Variants in EML6 observed in about 807,000 individuals in gnomAD.
EML6 encodes the protein echinoderm microtubule-associated protein-like 6.
EML6 carries 154 observed loss-of-function variants against 240.1 expected under a neutral mutation model. The observed-to-expected ratio is 0.64, with a 90% CI of 0.56 to 0.73. The LOEUF (loss-of-function observed/expected upper bound fraction) is 0.73, where lower values mean the gene tolerates loss of function less well. EML6 is among the 30% of genes least tolerant of loss of function. The pLI is 0.00. For synonymous variants in EML6, 1,148 were observed against 899.0 expected (o/e 1.28, Z -4.95); for missense variants, 2,964 against 2,474.6 (o/e 1.20, Z -4.20).
At chr2:54,758,118 A>G (rs1456882008) in intron 2 of EML6, among the ~76,000 whole-genome samples, 2 of 142,314 alleles carry the variant, frequency 1.4e-5, no homozygotes, top group Admixed American at 6.9e-5. Context: ...TCTCGTATGC[A>G]TTATTCTTAC....
intron 2 of EML6, among the ~76,000 whole-genome samples, chr2:54,808,405 A>G (rs1325774147): frequency 5.9e-5 from 9 of 152,208 alleles, no homozygotes; most frequent in Non-Finnish European, 2.9e-5. Flanking sequence ...TCGTCAGACA[A>G]TGCAACCTAA....
chr2:54,797,519 C>G (rs1219026005), intron 2 of EML6, among the ~76,000 whole-genome samples: 2 of 152,050 alleles, frequency 1.3e-5, no homozygotes, highest in African/African-American at 4.8e-5. Context: ...AAGCGAGTCA[C>G]ACAAATATTT....
intron 8 of EML6, among the ~76,000 whole-genome samples, chr2:54,846,877 G>T (rs933120563): frequency 2.2e-4 from 33 of 150,864 alleles, no homozygotes; most frequent in Admixed American, 7.3e-4. Flanking sequence ...ATACATAAAG[G>T]ACCACTTAAT....
intron 17 of EML6, among the ~76,000 whole-genome samples, chr2:54,885,492 A>G (rs1672077685): frequency 6.6e-6 from 1 of 152,080 alleles, no homozygotes; most frequent in South Asian, 2.1e-4. Context: ...TTTTATGGTT[A>G]TCTGGTTGAT....
intron 2 of EML6, among the ~76,000 whole-genome samples, chr2:54,768,011 G>A (rs943372040): frequency 3.3e-5 from 5 of 152,162 alleles, no homozygotes; most frequent in Non-Finnish European, 5.9e-5. Flanking sequence ...GCTTTGTAGA[G>A]AGTGTGGAAT....
At chr2:54,892,862 C>T (rs80155540) in intron 19 of EML6, among the ~76,000 whole-genome samples, 3,356 of 152,232 alleles carry the variant, frequency 0.022, 111 homozygotes, top group African/African-American at 0.073. Flanking sequence ...TTATATGCAA[C>T]TTCTCTGCAC....
chr2:54,799,237 T>C (rs942357423), intron 2 of EML6, among the ~76,000 whole-genome samples: 6 of 151,964 alleles, frequency 3.9e-5, no homozygotes, highest in Non-Finnish European at 8.8e-5. Flanking sequence ...ATTTTTGTAT[T>C]TTTAGTAGAG....
intron 2 of EML6, among the ~76,000 whole-genome samples, chr2:54,797,139 T>A (rs1318009604): frequency 9.8e-6 from 1 of 101,690 alleles, no homozygotes; most frequent in African/African-American, 3.8e-5. Context: ...CACTCCAGCC[T>A]GGGTGACAGA....
In EML6 at chr2:54,813,431, C is replaced by T. The variant is rs762844842; in HGVS notation, c.357+40C>T. ...TTAGTTGTTTTATTTAATGACTTCTCACAACTCACTTAAAACTATAATAGG... is the reference window on the plus strand; with the variant it reads ...TTAGTTGTTTTATTTAATGACTTCTTACAACTCACTTAAAACTATAATAGG... On this transcript the variant is annotated intron_variant, in intron 3 of 41. Coordinates refer to ENST00000356458, the MANE Select transcript of EML6 (RefSeq NM_001039753.4). The T allele has an allele frequency of 1.4e-5, 21 of 1,488,152 alleles. No individual in the cohort carries two copies. The South Asian group carries it at 2.6e-4, about 18-fold the overall frequency. The allele number at this position is 1,488,152 out of a possible 1,614,324, so 92.2% of individuals were successfully genotyped here.
chr2:54,898,432 G>GT (rs558375626), intron 21 of EML6, among the ~76,000 whole-genome samples: 50 of 152,142 alleles, frequency 3.3e-4, no homozygotes, highest in Non-Finnish European at 7.1e-4. Context: ...CCCCTGAGCT[G>GT]TACCCTGACT....
rs565436711 is a variant in EML6, at chr2:54,967,781, G to T, written c.5598-347G>T. Among the ~76,000 whole-genome samples, 5 of 152,276 alleles carry T rather than the reference G, an allele frequency of 3.3e-5. No homozygotes were observed. The East Asian group carries it at 5.8e-4, about 18-fold the overall frequency. On this transcript the variant is annotated intron_variant, in intron 39 of 41. Transcript: ENST00000356458. ...TACAATTTTTCCAGAGACCAGGTAG[G>T]GGGTGGGGTTTCGGGATGAAACTGT...
intron 18 of EML6, among the ~76,000 whole-genome samples, chr2:54,892,088 T>C (rs1456805137): frequency 6.6e-6 from 1 of 152,194 alleles, no homozygotes; most frequent in African/African-American, 2.4e-5. Flanking sequence ...AGTCACTCTT[T>C]CTCTTGGCTG....
At chr2:54,952,945 T>G (rs886688449) in intron 31 of EML6, among the ~76,000 whole-genome samples, 1 of 152,098 alleles carries the variant, frequency 6.6e-6, no homozygotes, top group Non-Finnish European at 1.5e-5. Context: ...CCTGTGGACT[T>G]GTAAGAATAG....
chr2:54,942,273 C>T (rs1183795515), intron 28 of EML6, among the ~76,000 whole-genome samples: 2 of 152,174 alleles, frequency 1.3e-5, no homozygotes, highest in Admixed American at 6.5e-5. Context: ...AAATCACACT[C>T]CCACAGTGTA....
chr2:54,865,769 C>T (rs780570292), intron 13 of EML6, among the ~76,000 whole-genome samples: 15 of 152,202 alleles, frequency 9.9e-5, no homozygotes, highest in Admixed American at 5.9e-4. Context: ...CCTGACATGT[C>T]ACTTTCCAAT....
chr2:54,812,738 G>A (rs976714531), intron 2 of EML6, among the ~76,000 whole-genome samples: 3 of 152,082 alleles, frequency 2.0e-5, no homozygotes. Context: ...AACAGACACA[G>A]AAACAGCACA....
chr2:54,775,693 G>T (rs981488522), intron 2 of EML6, among the ~76,000 whole-genome samples: 11 of 152,270 alleles, frequency 7.2e-5, no homozygotes, highest in Admixed American at 1.3e-4. Flanking sequence ...CCAGGAGAGT[G>T]CCTGGCTTCA....
At chr2:54,898,567 A>G (rs1267299017) in intron 21 of EML6, among the ~76,000 whole-genome samples, 1 of 152,194 alleles carries the variant, frequency 6.6e-6, no homozygotes, top group Non-Finnish European at 1.5e-5. Flanking sequence ...TCATATTTGA[A>G]TGTCAGTTGT....
At chr2:54,928,852 T>G (rs769752353) in intron 28 of EML6, 101 bp downstream of exon 28, 312 of 1,383,066 alleles carry the variant, frequency 2.3e-4, no homozygotes, top group African/African-American at 1.3e-3. Context: ...GCTGTTTAAG[T>G]CAGTCTTTTA....
Sources: allele counts gnomAD v4.1 joint callset (sites outside exome capture counted in the v4.1 genomes callset), GRCh38; gene constraint gnomAD v4.1.1; transcripts MANE v1.5; gene names NCBI Gene and HGNC (gene_info 2026-07-23, HGNC 2026-07-21).